Variants in CNTNAP5 observed in about 807,000 individuals in gnomAD.
CNTNAP5 encodes contactin-associated protein-like 5.
A neutral mutation model predicts 150.2 loss-of-function variants in CNTNAP5; 72 were observed. That is an observed-to-expected ratio of 0.48 (90% confidence interval 0.40 to 0.58). The LOEUF (loss-of-function observed/expected upper bound fraction) is 0.58. Ranked by LOEUF, CNTNAP5 falls within the 20% of genes least tolerant of loss-of-function variation. The pLI is 0.00. For synonymous variants in CNTNAP5, 672 were observed against 619.8 expected, an observed-to-expected ratio of 1.08 and a Z score of -1.25; for missense variants, 1,636 against 1,626.2, an observed-to-expected ratio of 1.01 and a Z score of -0.10.
chr2:124,507,152 A>G (rs1694428817), intron 8 of CNTNAP5, among the ~76,000 whole-genome samples: 1 of 152,184 alleles, frequency 6.6e-6, no homozygotes, highest in African/African-American at 2.4e-5. Flanking sequence ...ACTGGCGTTT[A>G]GAGCATGGCC....
chr2:124,071,594 A>G (rs1047882840), intron 1 of CNTNAP5, among the ~76,000 whole-genome samples: 5 of 151,938 alleles, frequency 3.3e-5, no homozygotes, highest in African/African-American at 1.2e-4. Flanking sequence ...TACATCAATA[A>G]ATTGTAAAAT....
chr2:124,148,189 C>T (rs1684300629), intron 1 of CNTNAP5, among the ~76,000 whole-genome samples: 1 of 151,552 alleles, frequency 6.6e-6, no homozygotes, highest in Non-Finnish European at 1.5e-5. Context: ...CAGGACATCT[C>T]ATGATTGAAA....
chr2:124,483,824 C>A (rs1302544065), intron 7 of CNTNAP5, among the ~76,000 whole-genome samples: 1 of 152,224 alleles, frequency 6.6e-6, no homozygotes, highest in Non-Finnish European at 1.5e-5. Flanking sequence ...CTGGCATGGT[C>A]TTATCTTTGT....
intron 21 of CNTNAP5, among the ~76,000 whole-genome samples, chr2:124,892,286 A>G (rs529601581): frequency 6.6e-6 from 1 of 152,264 alleles, no homozygotes; most frequent in South Asian, 2.1e-4. Context: ...TTATAGCAAA[A>G]TCAACAGCTG....
chr2:124,045,560 G>A (rs1681510351), intron 1 of CNTNAP5, among the ~76,000 whole-genome samples: 1 of 151,998 alleles, frequency 6.6e-6, no homozygotes, highest in African/African-American at 2.4e-5. Context: ...GCCTCCCAAA[G>A]TGCCACCGCA....
In CNTNAP5 at chr2:124,509,821, A is replaced by G. The variant is rs185634508; in HGVS notation, c.1327+5265A>G. 2.0e-3 allele frequency among the ~76,000 whole-genome samples: 278 copies of G among 141,306 alleles called. 1 individual carries two copies. The highest frequency in any genetic ancestry group is 3.5e-3 in the Non-Finnish European group (221 of 63,020). 92.7% of individuals were successfully genotyped at this position (141,306 alleles called of 152,430 possible). On this transcript the variant is annotated intron_variant, in intron 8 of 23. Coordinates refer to ENST00000682447, the MANE Select transcript of CNTNAP5 (RefSeq NM_001367498.1). ...GTCTAAAGCTGTGTCTTTCAAAAACAGTTTCATGGTGGTCTTATACAAGAA... is the reference window on the plus strand; with the variant it reads ...GTCTAAAGCTGTGTCTTTCAAAAACGGTTTCATGGTGGTCTTATACAAGAA...
At chr2:124,760,706 C>G (rs974672203) in intron 14 of CNTNAP5, among the ~76,000 whole-genome samples, 1 of 152,008 alleles carries the variant, frequency 6.6e-6, no homozygotes, top group East Asian at 1.9e-4. Flanking sequence ...CTCATGCATT[C>G]CTGGTGTGGG....
At chr2:124,312,301 T>C (rs1022543615) in intron 3 of CNTNAP5, among the ~76,000 whole-genome samples, 3 of 152,186 alleles carry the variant, frequency 2.0e-5, no homozygotes, top group Non-Finnish European at 4.4e-5. Flanking sequence ...TGCAAGTGAG[T>C]AAGTCTTTAG....
At chr2:124,562,007 A>C (rs1162585539) in intron 10 of CNTNAP5, among the ~76,000 whole-genome samples, 2 of 152,118 alleles carry the variant, frequency 1.3e-5, no homozygotes, top group Admixed American at 1.3e-4. Context: ...TTTTACTCTT[A>C]ATTTCATTCA....
At chr2:124,734,258 C>G (rs1055270544) in intron 13 of CNTNAP5, among the ~76,000 whole-genome samples, 20 of 150,016 alleles carry the variant, frequency 1.3e-4, no homozygotes, top group African/African-American at 2.0e-4. Context: ...CAAATGAACA[C>G]AGAGAGAGAG....
intron 13 of CNTNAP5, among the ~76,000 whole-genome samples, chr2:124,677,274 G>T (rs1206330701): frequency 1.3e-5 from 2 of 152,128 alleles, no homozygotes; most frequent in Non-Finnish European, 1.5e-5. Flanking sequence ...GTGGGTTCAT[G>T]GTCTTGCTGA....
intron 8 of CNTNAP5, among the ~76,000 whole-genome samples, chr2:124,505,420 C>A (rs1044736280): frequency 3.9e-5 from 6 of 151,978 alleles, no homozygotes; most frequent in Non-Finnish European, 8.8e-5. Context: ...AATTCTATTT[C>A]AAGTAAAAAT....
chr2:124,421,695 T>C (rs1208271073), intron 4 of CNTNAP5, among the ~76,000 whole-genome samples: 1 of 152,234 alleles, frequency 6.6e-6, no homozygotes, highest in Admixed American at 6.5e-5. Context: ...TCTTGATTCA[T>C]GTGAAATAAA....
At chr2:124,752,815 C>A (rs1301936868) in intron 14 of CNTNAP5, among the ~76,000 whole-genome samples, 1 of 152,086 alleles carries the variant, frequency 6.6e-6, no homozygotes, top group African/African-American at 2.4e-5. Flanking sequence ...CTCTGGGTTG[C>A]AGACCCTGGA....
chr2:124,647,860 G>T lies in CNTNAP5; in HGVS notation c.1979G>T (p.Gly660Val), dbSNP rs766270595. ...KPYAMALDYG[G>V]SMEQLEAVID... ...TATGCCATGGCCTTGGACTACGGGGGCAGCATGGAACAGCTGGAGGCCGTG... is the reference window on the plus strand; with the variant it reads ...TATGCCATGGCCTTGGACTACGGGGTCAGCATGGAACAGCTGGAGGCCGTG... The change falls in exon 13 of 24, where the codon GGC (glycine) becomes GTC (valine). Residue 660 changes from glycine (G) to valine (V), a missense_variant. By Grantham distance (109) the Gly-to-Val change is moderately radical (BLOSUM62 -3). Transcript: ENST00000682447. The T allele has an allele frequency of 4.3e-6, 7 of 1,613,328 alleles. No homozygotes were observed. Among genetic ancestry groups the T allele is most frequent in the Non-Finnish European group, 5.9e-6 (7 of 1,179,704 alleles).
intron 6 of CNTNAP5, among the ~76,000 whole-genome samples, chr2:124,457,188 A>C (rs1373539820): frequency 6.6e-6 from 1 of 152,192 alleles, no homozygotes; most frequent in African/African-American, 2.4e-5. Context: ...TCCAATGACT[A>C]TACAAATTCT....
At chr2:124,535,948 CCT>C (rs1695221936) in intron 10 of CNTNAP5, among the ~76,000 whole-genome samples, 1 of 152,114 alleles carries the variant, frequency 6.6e-6, no homozygotes, top group Admixed American at 6.6e-5. Flanking sequence ...AAAAACCCAC[CCT>C]GTGTGTGGGA....
chr2:124,662,859 A>G (rs1044186451), intron 13 of CNTNAP5, among the ~76,000 whole-genome samples: 2 of 152,244 alleles, frequency 1.3e-5, no homozygotes, highest in African/African-American at 4.8e-5. Context: ...ATACAAATAT[A>G]TGTACATATA....
intron 6 of CNTNAP5, among the ~76,000 whole-genome samples, chr2:124,456,841 G>T (rs2104816236): frequency 6.6e-6 from 1 of 152,246 alleles, no homozygotes; most frequent in South Asian, 2.1e-4. Flanking sequence ...AACAAATGGT[G>T]CTGGATATTT....
Sources: gnomAD v4.1 joint callset for allele counts (sites outside exome capture counted in the v4.1 genomes callset) on GRCh38, gnomAD v4.1.1 for gene constraint, MANE v1.5 for transcripts, NCBI Gene and HGNC (gene_info 2026-07-23, HGNC 2026-07-21) for gene names.